Variants in MACF1 observed in about 807,000 individuals in gnomAD.
The protein encoded by MACF1 is microtubule actin crosslinking factor 1.
A neutral mutation model predicts 854.8 loss-of-function variants in MACF1; 193 were observed. That is an observed-to-expected ratio of 0.23 (90% CI 0.20 to 0.25). MACF1 has a LOEUF of 0.25. Among genes scored for constraint, MACF1 ranks in the 10% least tolerant of loss-of-function variants. The pLI is 1.00. For missense variants in MACF1, 7,722 were observed against 8,929.1 expected, an observed-to-expected ratio of 0.86 and a Z score of 5.45; for synonymous variants, 3,185 against 3,226.7, an observed-to-expected ratio of 0.99 and a Z score of 0.44.
At chr1:39,384,963 G>A (rs1650555952) in intron 56 of MACF1, among the ~76,000 whole-genome samples, 1 of 152,264 alleles carries the variant, frequency 6.6e-6, no homozygotes, top group Admixed American at 6.5e-5. Context: ...CAATTGTTAA[G>A]TGATACTGCC....
At chr1:39,304,564 TC>T (rs1646126824) in intron 23 of MACF1, 3 of 930,036 alleles carry the variant, frequency 3.2e-6, no homozygotes, top group East Asian at 5.5e-5. Flanking sequence ...TTCTTTTCTT[TC>T]TTTTTTTTTT....
At chr1:39,380,410 T>C in intron 55 of MACF1, 37 bp downstream of exon 55, 1 of 1,589,460 alleles carries the variant, frequency 6.3e-7, no homozygotes, top group Middle Eastern at 1.7e-4. Flanking sequence ...TTTGCTAAGT[T>C]ACTTGTCTTC....
In MACF1 at chr1:39,332,627, A is replaced by G. The variant is rs979725795; in HGVS notation, c.6039A>G (p.Gln2013=). ...PKVVEIGHQR[Q]KTPEGLQESA... ...TGGTTGAAATTGGGCATCAAAGGCA[A>G]AAAACTCCTGAGGGATTGCAAGAAT... Residue 2013 remains glutamine (Q), a synonymous_variant, in exon 37 of 101, where the codon CAA becomes CAG. Coordinates refer to ENST00000564288, the MANE Select transcript of MACF1 (RefSeq NM_001394062.1). 1.2e-6 allele frequency: 2 copies of G among 1,614,234 alleles called. No homozygotes were observed. The highest frequency in any genetic ancestry group is 1.7e-6 in the Non-Finnish European group (2 of 1,180,034).
chr1:39,433,271 G>A (rs1043171388), intron 68 of MACF1, 116 bp downstream of exon 68: 13 of 575,168 alleles, frequency 2.3e-5, no homozygotes, highest in Non-Finnish European at 4.0e-5. Flanking sequence ...TCTTATGATT[G>A]TTATTAAAGT....
At chr1:39,125,925 G>A (rs887547858) in intron 2 of MACF1, among the ~76,000 whole-genome samples, 11 of 152,174 alleles carry the variant, frequency 7.2e-5, no homozygotes, top group Non-Finnish European at 1.5e-4. Context: ...CCCGGGAGGC[G>A]GAGGTTCCAG....
intron 45 of MACF1, 32 bp downstream of exon 45, chr1:39,357,925 A>G (rs368372106): frequency 3.8e-6 from 6 of 1,575,796 alleles, no homozygotes; most frequent in African/African-American, 1.4e-5. Context: ...TCCTTGGTGA[A>G]ACAATCATGG....
chr1:39,173,841 A>G (rs2148224524), intron 2 of MACF1, among the ~76,000 whole-genome samples: 1 of 152,334 alleles, frequency 6.6e-6, no homozygotes, highest in East Asian at 1.9e-4. Context: ...GTTAGGGTTA[A>G]GAATAACTAG....
At chr1:39,119,047 G>A (rs544537119) in intron 2 of MACF1, among the ~76,000 whole-genome samples, 6 of 152,078 alleles carry the variant, frequency 3.9e-5, no homozygotes, top group African/African-American at 9.7e-5. Context: ...TATAGGCCAC[G>A]GTGGCTCACA....
At chr1:39,284,728 G>T (rs1645611397) in intron 11 of MACF1, among the ~76,000 whole-genome samples, 1 of 152,188 alleles carries the variant, frequency 6.6e-6, no homozygotes, top group South Asian at 2.1e-4. Flanking sequence ...CCCTAGGGTG[G>T]AAAGAAGAGA....
At chr1:39,324,594 G>T in intron 34 of MACF1, 52 bp from the exon 35 acceptor site, 3 of 1,418,900 alleles carry the variant, frequency 2.1e-6, no homozygotes, top group South Asian at 1.3e-5. Context: ...AATAATTTTT[G>T]ACTCTTAATT....
At chr1:39,119,872 CTTTTTTTT>C (rs571383832) in intron 2 of MACF1, among the ~76,000 whole-genome samples, 4 of 65,570 alleles carry the variant, frequency 6.1e-5, no homozygotes, top group South Asian at 6.0e-4. Flanking sequence ...AATAAAGCCT[CTTTTTTTT>C]TTTTTTTTTT....
At chr1:39,149,524 T>C (rs1643532279) in intron 2 of MACF1, among the ~76,000 whole-genome samples, 1 of 150,766 alleles carries the variant, frequency 6.6e-6, no homozygotes, top group Non-Finnish European at 1.5e-5. Context: ...TGAGACTCCG[T>C]CTCAAAAAAA....
intron 2 of MACF1, among the ~76,000 whole-genome samples, chr1:39,177,279 C>T (rs995503893): frequency 6.6e-6 from 1 of 152,116 alleles, no homozygotes; most frequent in Admixed American, 6.6e-5. Flanking sequence ...TGTGCCACCA[C>T]GCCCAGCTAA....
intron 4 of MACF1, among the ~76,000 whole-genome samples, chr1:39,253,478 C>T (rs1262846545): frequency 1.4e-5 from 2 of 146,314 alleles, no homozygotes; most frequent in Non-Finnish European, 3.0e-5. Context: ...TGTAACTTCT[C>T]ATTTCCTATG....
intron 58 of MACF1, chr1:39,410,901 A>C (rs74607331): frequency 0.014 from 22,167 of 1,614,004 alleles, 207 homozygotes; most frequent in Non-Finnish European, 0.016. Context: ...TTAAAAACTT[A>C]AGTGGAGACT....
intron 38 of MACF1, among the ~76,000 whole-genome samples, chr1:39,337,549 T>C (rs1316325376): frequency 6.8e-6 from 1 of 147,446 alleles, no homozygotes; most frequent in African/African-American, 2.5e-5. Flanking sequence ...TGGCTATCAA[T>C]GTAATTACTA....
upstream of MACF1, among the ~76,000 whole-genome samples, chr1:39,202,620 GCAAGACT>G (rs1644405247): frequency 6.6e-6 from 1 of 151,308 alleles, no homozygotes; most frequent in African/African-American, 2.4e-5. Flanking sequence ...GGGCAACAGA[GCAAGACT>G]CTGTCTCAAA....
At chr1:39,330,802 CTTTT>C (rs543557691) in intron 36 of MACF1, among the ~76,000 whole-genome samples, 1 of 139,926 alleles carries the variant, frequency 7.1e-6, no homozygotes, top group Admixed American at 7.2e-5. Context: ...TACTGTAGTA[CTTTT>C]TTTTTTTTTT....
intron 19 of MACF1, 58 bp downstream of exon 19, chr1:39,295,208 A>G: frequency 7.1e-7 from 1 of 1,407,254 alleles, no homozygotes; most frequent in Non-Finnish European, 1.0e-6. Context: ...TTATAAAAGT[A>G]TTCAAATTAG....
Sources: allele counts gnomAD v4.1 joint callset (sites outside exome capture counted in the v4.1 genomes callset), GRCh38; gene constraint gnomAD v4.1.1; transcripts MANE v1.5; gene names NCBI Gene and HGNC (gene_info 2026-07-23, HGNC 2026-07-21).